NXN: variants seen among roughly 807,000 people sequenced by gnomAD.
The protein encoded by NXN is nucleoredoxin 1.
NXN carries 16 observed loss-of-function variants against 48.6 expected under a neutral mutation model. The ratio of observed to expected loss-of-function variants is 0.33; its 90% confidence interval spans 0.22 to 0.50. The LOEUF (loss-of-function observed/expected upper bound fraction) is 0.50, where lower values mean the gene tolerates loss of function less well. Ranked by LOEUF, NXN falls within the 20% of genes least tolerant of loss-of-function variation. The pLI is 0.98. For synonymous variants in NXN, 281 were observed against 269.6 expected, an observed-to-expected ratio of 1.04 and a Z score of -0.41; for missense variants, 492 against 605.5, an observed-to-expected ratio of 0.81 and a Z score of 1.97.
At chr17:938,245 T>A (rs1464866639) in intron 1 of NXN, among the ~76,000 whole-genome samples, 1 of 152,162 alleles carries the variant, frequency 6.6e-6, no homozygotes, top group Non-Finnish European at 1.5e-5. Flanking sequence ...CAGAAAGCAG[T>A]TTTTGAAAAG....
At chr17:824,958 T>C (rs1402801069) in intron 2 of NXN, among the ~76,000 whole-genome samples, 1 of 152,144 alleles carries the variant, frequency 6.6e-6, no homozygotes, top group Non-Finnish European at 1.5e-5. Context: ...GACCAGGCTC[T>C]GCGGCTCAGC....
chr17:923,650 G>A (rs950594430), intron 1 of NXN, among the ~76,000 whole-genome samples: 2 of 152,350 alleles, frequency 1.3e-5, no homozygotes, highest in African/African-American at 2.4e-5. Flanking sequence ...AGGACACTGC[G>A]TCCAGCATTG....
At chr17:880,154 C>T (rs1249667855) in intron 1 of NXN, 1 of 152,124 alleles carries the variant, frequency 6.6e-6, no homozygotes, top group Non-Finnish European at 1.5e-5. Context: ...AGGTCTTTAT[C>T]CTTATTCAGG....
At chr17:952,813 T>C (rs2069127106) in intron 1 of NXN, among the ~76,000 whole-genome samples, 2 of 88,752 alleles carry the variant, frequency 2.3e-5, no homozygotes, top group East Asian at 7.1e-4. Flanking sequence ...ACGGTCACAC[T>C]GTGGGGGGGC....
chr17:896,903 G>A, intron 1 of NXN: 1 of 1,241,798 alleles, frequency 8.1e-7, no homozygotes, highest in Non-Finnish European at 1.0e-6. Flanking sequence ...CTCAGTTCCT[G>A]CATATCACAC....
At chr17:862,828 C>T (rs1027348579) in intron 1 of NXN, among the ~76,000 whole-genome samples, 4 of 152,096 alleles carry the variant, frequency 2.6e-5, no homozygotes, top group African/African-American at 7.2e-5. Flanking sequence ...GATGTAATCA[C>T]GAGGGAACCA....
intron 1 of NXN, among the ~76,000 whole-genome samples, chr17:937,565 G>A (rs7222776): frequency 2.0e-5 from 3 of 152,096 alleles, no homozygotes; most frequent in South Asian, 2.1e-4. Context: ...GGCTATTGCC[G>A]GTTCAAGCTC....
chr17:806,462 T>A (rs568033763), intron 5 of NXN, among the ~76,000 whole-genome samples: 1 of 152,066 alleles, frequency 6.6e-6, no homozygotes, highest in South Asian at 2.1e-4. Context: ...TTTCTGTGTC[T>A]CTGTTCTTTT....
At chr17:834,721 C>T (rs148568025) in intron 1 of NXN, among the ~76,000 whole-genome samples, 4 of 151,636 alleles carry the variant, frequency 2.6e-5, no homozygotes, top group African/African-American at 7.2e-5. Flanking sequence ...GGTTTCACCA[C>T]GTTGGGCACG....
intron 5 of NXN, among the ~76,000 whole-genome samples, chr17:812,128 C>T (rs1227463680): frequency 9.3e-5 from 14 of 150,360 alleles, no homozygotes; most frequent in African/African-American, 3.0e-4. Flanking sequence ...GGGGTTTCAC[C>T]GTGTTAGCCA....
chr17:835,307 C>CAAAA (rs368573865), intron 1 of NXN, among the ~76,000 whole-genome samples: 1 of 91,286 alleles, frequency 1.1e-5, no homozygotes, highest in Non-Finnish European at 2.3e-5. Flanking sequence ...GACTCTGTTT[C>CAAAA]AAAAAAAAAA....
At chr17:879,176 A>T (rs12601692) in intron 1 of NXN, among the ~76,000 whole-genome samples, 1 of 151,822 alleles carries the variant, frequency 6.6e-6, no homozygotes, top group African/African-American at 2.4e-5. Context: ...AAAAAAAACA[A>T]CAAGTAGACA....
chr17:911,115 C>G (rs1017427049), intron 1 of NXN: 2 of 152,002 alleles, frequency 1.3e-5, no homozygotes, highest in Admixed American at 6.6e-5. Flanking sequence ...ACTTGATATA[C>G]GGCTTTGTAA....
At chr17:803,940 C>G (rs1445068924) in intron 6 of NXN, 134 bp from the exon 7 acceptor site, 1 of 1,157,884 alleles carries the variant, frequency 8.6e-7, no homozygotes, top group Non-Finnish European at 1.2e-6. Context: ...TGAACTTCCC[C>G]TTGGATGCAG....
intron 5 of NXN, among the ~76,000 whole-genome samples, chr17:810,848 C>A (rs1016028327): frequency 6.6e-5 from 10 of 151,944 alleles, no homozygotes; most frequent in African/African-American, 2.2e-4. Flanking sequence ...GAGATCTTGC[C>A]ACTGCACTCC....
chr17:967,950 C>A (rs1241614995), intron 1 of NXN, among the ~76,000 whole-genome samples: 1 of 149,410 alleles, frequency 6.7e-6, no homozygotes. Flanking sequence ...CTAGCCCAGG[C>A]GACAGAGCGA....
At chr17:840,432 C>T (rs8074067) in intron 1 of NXN, among the ~76,000 whole-genome samples, 7 of 152,030 alleles carry the variant, frequency 4.6e-5, no homozygotes, top group Non-Finnish European at 8.8e-5. Context: ...CTCCACCTCC[C>T]GGGTTCACAC....
Position 969,231 on chromosome 17 carries a change from C to T in NXN, c.360+10088G>A, listed in dbSNP as rs1355173185. Among the ~76,000 whole-genome samples, 7 of 152,138 alleles carry T rather than the reference C, an allele frequency of 4.6e-5. No homozygotes were observed. The East Asian group carries it at 1.3e-3, about 29-fold the overall frequency. On this transcript the variant is annotated intron_variant, in intron 1 of 7. Transcript: ENST00000336868. ...ATTATGTCATTCAATCCTTAACAAC[C>T]ACCCTAAGAGGCTGGTACCATCATC...
At chr17:940,961 GTGA>G (rs1312383390) in intron 1 of NXN, among the ~76,000 whole-genome samples, 1 of 145,078 alleles carries the variant, frequency 6.9e-6, no homozygotes, top group Admixed American at 6.8e-5. Flanking sequence ...TGGATTTACA[GTGA>G]ACAAGATTCC....
Sources: allele counts gnomAD v4.1 joint callset (sites outside exome capture counted in the v4.1 genomes callset), GRCh38; gene constraint gnomAD v4.1.1; transcripts MANE v1.5; gene names NCBI Gene and HGNC (gene_info 2026-07-23, HGNC 2026-07-21).